Variants in METTL22 observed in about 807,000 individuals in gnomAD.
METTL22 encodes methyltransferase-like protein 22.
In METTL22, 51 loss-of-function variants were observed where a neutral mutation model predicts 48.4. That is an observed-to-expected ratio of 1.05 (90% CI 0.84 to 1.33). METTL22 has a LOEUF of 1.33. Among genes scored for constraint, METTL22 ranks in the 40% most tolerant of loss-of-function variants. The pLI is 0.00. For synonymous variants in METTL22, 255 were observed against 214.1 expected (o/e 1.19, Z -1.67); for missense variants, 678 against 526.9 (o/e 1.29, Z -2.81).
rs539212157 is a variant in METTL22 at position 8,646,262 on chromosome 16, G to A, written c.*119G>A. 13 of 1,293,794 alleles carry A rather than the reference G, an allele frequency of 1.0e-5. No homozygotes were observed. The South Asian group carries it at 1.1e-4, about 11-fold the overall frequency. 80.1% of individuals were successfully genotyped at this position (1,293,794 alleles called of 1,614,324 possible). On this transcript the variant is annotated 3_prime_UTR_variant, in exon 11 of 11. Coordinates refer to ENST00000381920, the MANE Select transcript of METTL22 (RefSeq NM_024109.4). ...TGTCATTTTAAAAATATGGTTACAC[G>A]TACCTTAGATGACCCAAGATGGTTT...
At chr16:8,627,816 A>G (rs1273457713) in intron 2 of METTL22, among the ~76,000 whole-genome samples, 1 of 151,998 alleles carries the variant, frequency 6.6e-6, no homozygotes, top group African/African-American at 2.4e-5. Flanking sequence ...TGCAGTCTTG[A>G]CTCACTACAG....
At chr16:8,643,654 C>G (rs1244483980) in intron 9 of METTL22, among the ~76,000 whole-genome samples, 1 of 152,120 alleles carries the variant, frequency 6.6e-6, no homozygotes, top group African/African-American at 2.4e-5. Flanking sequence ...GCCCTGTCAG[C>G]CCAGGCTGGA....
chr16:8,652,096 A>C (rs1259555469), downstream of METTL22, among the ~76,000 whole-genome samples: 1 of 152,180 alleles, frequency 6.6e-6, no homozygotes, highest in Non-Finnish European at 1.5e-5. Context: ...ACGGGCTGCC[A>C]GTTGGGGGAG....
chr16:8,645,898 A>G (rs979443266), intron 10 of METTL22: 14 of 992,788 alleles, frequency 1.4e-5, no homozygotes, highest in Non-Finnish European at 1.6e-5. Flanking sequence ...CTGGGACTTC[A>G]TCCATCCAGC....
the METTL22 span, among the ~76,000 whole-genome samples, chr16:8,663,224 A>T: frequency 1.0e-5 from 1 of 98,916 alleles, no homozygotes; most frequent in African/African-American, 4.0e-5. Context: ...AAAAAAAAAA[A>T]AGGTAGCCAA....
At position 8,646,437 on chromosome 16, in the gene METTL22, T is replaced by C; in HGVS notation, c.*294T>C. On this transcript the variant is annotated 3_prime_UTR_variant, in exon 11 of 11. Transcript: ENST00000381920. Reference sequence around the variant, plus strand: ...CCTTCTCAGCTCAGTTCCACCCACGTCAGTCATTTCAGCTGTGTGCTTTAC... The same window carrying C: ...CCTTCTCAGCTCAGTTCCACCCACGCCAGTCATTTCAGCTGTGTGCTTTAC... 1 of 641,918 alleles carries C rather than the reference T, an allele frequency of 1.6e-6. No individual in the cohort carries two copies. The highest frequency in any genetic ancestry group is 2.9e-6 in the Non-Finnish European group (1 of 346,622). 39.8% of individuals were successfully genotyped at this position (641,918 alleles called of 1,614,324 possible).
Position 8,637,968 on chromosome 16 carries a change from T to G in METTL22, c.701-1123T>G, listed in dbSNP as rs535042262. On this transcript the variant is annotated intron_variant, in intron 5 of 10. Transcript: ENST00000381920. ...GCTTGGCCAACACGGTGAAACCCCA[T>G]CTGTACTAAAAATACAAAAAAAAAA... Among the ~76,000 whole-genome samples, 22 of 114,496 alleles carry G rather than the reference T, an allele frequency of 1.9e-4. No individual in the cohort carries two copies. In the South Asian group the frequency reaches 7.4e-3, roughly 39 times the overall value. The allele number at this position is 114,496 out of a possible 152,430, so 75.1% of individuals were successfully genotyped here. A position where few individuals can be genotyped will look rare whatever the true frequency, so the allele number is the denominator to read the frequency against.
At chr16:8,634,890 C>G in intron 3 of METTL22, 149 bp from the exon 4 acceptor site, 1 of 986,082 alleles carries the variant, frequency 1.0e-6, no homozygotes, top group Admixed American at 2.2e-5. Flanking sequence ...AGTAGCACAG[C>G]CTGTGTTTCT....
chr16:8,640,148 G>A (rs1219116606), intron 6 of METTL22, among the ~76,000 whole-genome samples: 1 of 152,220 alleles, frequency 6.6e-6, no homozygotes, highest in Non-Finnish European at 1.5e-5. Flanking sequence ...CTCTGTGGGT[G>A]CAGGTACCCT....
In METTL22 at chr16:8,624,363, CTT is replaced by C. The variant is rs71152910; in HGVS notation, c.-170-1118_-170-1117del. Among the ~76,000 whole-genome samples, 417 of 139,474 alleles carry C rather than the reference CTT, an allele frequency of 3.0e-3. 1 individual carries two copies. The highest frequency in any genetic ancestry group is 2.9e-3 in the Non-Finnish European group (188 of 64,612). 91.5% of individuals were successfully genotyped at this position (139,474 alleles called of 152,430 possible). A position where few individuals can be genotyped will look rare whatever the true frequency, so the allele number is the denominator to read the frequency against. On this transcript the variant is annotated intron_variant, in intron 1 of 10. Coordinates refer to ENST00000381920, the MANE Select transcript of METTL22 (RefSeq NM_024109.4). ...TACTTTTCCTTTAAATCCACTCACT[CTT>C]TTTTTTTTTTTTTTAATTTCTTTTT...
At chr16:8,638,275 C>A (rs1437466863) in intron 5 of METTL22, among the ~76,000 whole-genome samples, 1 of 152,142 alleles carries the variant, frequency 6.6e-6, no homozygotes, top group Non-Finnish European at 1.5e-5. Flanking sequence ...CTGTGTGACC[C>A]CTGGGGTGCA....
At chr16:8,623,198 C>A (rs2055915425) in intron 1 of METTL22, among the ~76,000 whole-genome samples, 1 of 151,698 alleles carries the variant, frequency 6.6e-6, no homozygotes, top group African/African-American at 2.4e-5. Context: ...CCTGTAGTCC[C>A]AGTTACTCGG....
rs778809738 is a variant in METTL22, at chr16:8,646,180, C to CT, written c.*39dup. 8.1e-6 allele frequency: 13 copies of CT among 1,611,686 alleles called. No homozygotes were observed. Among genetic ancestry groups the CT allele is most frequent in the Non-Finnish European group, 1.1e-5 (13 of 1,178,014 alleles). ...CACAAGGCGCGGCGTCTCGACTGTT[C>CT]TTAGAGTGTATTTCTAGTAAAATCA... On this transcript the variant is annotated 3_prime_UTR_variant, in exon 11 of 11. Coordinates refer to ENST00000381920, the MANE Select transcript of METTL22 (RefSeq NM_024109.4).
chr16:8,665,094 A>C, the METTL22 span, among the ~76,000 whole-genome samples: 1 of 151,936 alleles, frequency 6.6e-6, no homozygotes, highest in Non-Finnish European at 1.5e-5. Context: ...AAGGAGTTTG[A>C]GACCAGCCTG....
intron 7 of METTL22, 78 bp from the exon 8 acceptor site, chr16:8,642,049 C>T (rs1567242982): frequency 1.7e-6 from 2 of 1,154,948 alleles, no homozygotes; most frequent in African/African-American, 3.0e-5. Context: ...CTTGAAGTGC[C>T]TTTTGGTCAG....
the METTL22 span, among the ~76,000 whole-genome samples, chr16:8,654,914 C>T: frequency 2.4e-4 from 36 of 152,238 alleles, no homozygotes; most frequent in Non-Finnish European, 4.6e-4. Flanking sequence ...TGTTTCTAGC[C>T]CATTACATTT....
the METTL22 span, among the ~76,000 whole-genome samples, chr16:8,660,487 C>T: frequency 5.4e-4 from 82 of 152,030 alleles, no homozygotes; most frequent in African/African-American, 1.9e-3. Flanking sequence ...CATAATATGG[C>T]AATTTTATCT....
chr16:8,642,988 G>A (rs867829700), intron 9 of METTL22: 2 of 203,678 alleles, frequency 9.8e-6, no homozygotes, highest in African/African-American at 4.5e-5. Context: ...GAATCGGACA[G>A]CTCCTCACCC....
chr16:8,642,892 A>G (rs1392675010), intron 9 of METTL22: 2 of 333,042 alleles, frequency 6.0e-6, no homozygotes, highest in African/African-American at 2.1e-5. Context: ...CTTGGCCAGC[A>G]CACACTGTTG....
Sources: allele counts gnomAD v4.1 joint callset (sites outside exome capture counted in the v4.1 genomes callset), GRCh38; gene constraint gnomAD v4.1.1; transcripts MANE v1.5; gene names NCBI Gene and HGNC (gene_info 2026-07-23, HGNC 2026-07-21).